Variants in C1QTNF12 observed in about 807,000 individuals in gnomAD.
The protein encoded by C1QTNF12 is adipolin.
C1QTNF12 carries 39 observed loss-of-function variants against 34.3 expected under a neutral mutation model. That is an observed-to-expected ratio of 1.14 (90% CI 0.88 to 1.49). The LOEUF (loss-of-function observed/expected upper bound fraction) is 1.49, where lower values mean the gene tolerates loss of function less well. Ranked by LOEUF, C1QTNF12 falls within the 40% of genes most tolerant of loss-of-function variation. C1QTNF12 has a pLI of 0.00. For missense variants in C1QTNF12, 497 were observed against 424.7 expected (o/e 1.17, Z -1.50); for synonymous variants, 220 against 196.9 (o/e 1.12, Z -0.98).
At chr1:1,244,727 ACTCCTCCCCCACTCCTCCCC>A (rs1638837887) in intron 1 of C1QTNF12, 1 of 393,594 alleles carries the variant, frequency 2.5e-6, no homozygotes, top group Admixed American at 4.7e-5. Context: ...TGAGCCCCTC[ACTCCTCCCCCACTCCTCCCC>A]CTCCTCCCCC....
chr1:1,244,762 C>G, intron 1 of C1QTNF12: 1 of 395,426 alleles, frequency 2.5e-6, no homozygotes, highest in Non-Finnish European at 4.5e-6. Flanking sequence ...TCCCCCCACT[C>G]CTCATCCCAC....
At position 1,244,456 on chromosome 1, in the gene C1QTNF12, C is replaced by T; in HGVS notation, c.219G>A (p.Met73Ile). The change falls in exon 2 of 8, where the codon ATG becomes ATA. Residue 73 changes from methionine to isoleucine, a missense_variant. Physicochemically the swap from Met to Ile is conservative, Grantham distance 10. Coordinates refer to ENST00000330388, the MANE Select transcript of C1QTNF12 (RefSeq NM_001014980.3). Reference protein sequence around the residue: ...ASGPEFSDAHMTWLNFVRRPD... With the variant: ...ASGPEFSDAHITWLNFVRRPD... Reference sequence around the variant, plus strand: ...GCCGCCGGACAAAGTTCAGCCATGTCATGTGGGCGTCGGAGAACTCAGGTC... The same window carrying T: ...GCCGCCGGACAAAGTTCAGCCATGTTATGTGGGCGTCGGAGAACTCAGGTC... 2 of 1,611,910 alleles carry T rather than the reference C, an allele frequency of 1.2e-6. No individual in the cohort carries two copies. Among genetic ancestry groups the T allele is most frequent in the Non-Finnish European group, 8.5e-7 (1 of 1,179,518 alleles).
rs1291805462 is a variant in C1QTNF12 at position 1,244,516 on chromosome 1, G to A, written c.178-19C>T. ...GGGATGGCTGAAGGGACGGGACGGG[G>A]CTAGCGCACTGAGGCTGCACCCTGC... On this transcript the variant is annotated intron_variant, in intron 1 of 7. Transcript: ENST00000330388. The A allele has an allele frequency of 1.3e-5, 20 of 1,562,410 alleles. No individual in the cohort carries two copies. Among genetic ancestry groups the A allele is most frequent in the Non-Finnish European group, 1.7e-5 (19 of 1,134,956 alleles).
In C1QTNF12 at chr1:1,246,643, C is replaced by A; in HGVS notation, c.48G>T (p.Gln16His). 8.1e-7 allele frequency: 1 copy of A among 1,235,526 alleles called. No homozygotes were observed. Among genetic ancestry groups the A allele is most frequent in the South Asian group, 3.8e-5 (1 of 26,544 alleles). The allele number at this position is 1,235,526 out of a possible 1,614,324, so 76.5% of individuals were successfully genotyped here. Reference protein sequence around the residue: ...WAAVVVLLGPQLVLLGGVGAR... With the variant: ...WAAVVVLLGPHLVLLGGVGAR... ...CCCCGACGCCCCCGAGGAGCACGAG[C>A]TGCGGCCCGAGGAGGACCACGACCG... Residue 16 changes from glutamine (Q) to histidine (H), a missense_variant, in exon 1 of 8, where the codon CAG becomes CAT. By Grantham distance (24) the Gln-to-His change is conservative (BLOSUM62 0). Transcript: ENST00000330388. The surrounding 1 kb of genome is among the most constrained non-coding windows in gnomAD (Gnocchi z 4.5).
At chr1:1,244,140 C>T in intron 3 of C1QTNF12, 35 bp from the exon 4 acceptor site, 1 of 1,559,510 alleles carries the variant, frequency 6.4e-7, no homozygotes, top group East Asian at 2.3e-5. Flanking sequence ...CCAGCAGGGT[C>T]AGCACAGGGC....
At chr1:1,243,423 G>A (rs1236011587) in intron 5 of C1QTNF12, 21 bp downstream of exon 5, 3 of 1,542,864 alleles carry the variant, frequency 1.9e-6, no homozygotes, top group Non-Finnish European at 2.6e-6. Context: ...ACAGCACACG[G>A]CACTGCCCCA....
chr1:1,246,947 C>A (rs998940311), upstream of C1QTNF12, among the ~76,000 whole-genome samples: 1 of 152,038 alleles, frequency 6.6e-6, no homozygotes, highest in Non-Finnish European at 1.5e-5. The surrounding 1 kb of genome is among the most constrained non-coding windows in gnomAD (Gnocchi z 4.5). Flanking sequence ...ATCCTCCCCT[C>A]GCCTCCTCCT....
intron 2 of C1QTNF12, 47 bp from the exon 3 acceptor site, chr1:1,244,322 G>A (rs1309585704): frequency 6.3e-7 from 1 of 1,591,934 alleles, no homozygotes; most frequent in Non-Finnish European, 8.6e-7. Context: ...GACCCGGTGG[G>A]AGCTACCACC....
At position 1,242,874 on chromosome 1, in the gene C1QTNF12, C is replaced by G. The variant is rs757149209; in HGVS notation, c.771G>C (p.Arg257Ser). The change falls in exon 7 of 8, where the codon AGG (arginine) becomes AGC (serine). Residue 257 changes from arginine to serine, a missense_variant. Transcript: ENST00000330388. ...GCCCCTGCACCTGTAGCGTGAAGAC[C>G]CTGCTGTTGCTCTCCAGGCCTGAGA... ...EAVSGLESNS[R>S]VFTLQVQGLL... 2.7e-5 allele frequency: 43 copies of G among 1,612,356 alleles called. No homozygotes were observed. Among genetic ancestry groups the G allele is most frequent in the Non-Finnish European group, 3.1e-5 (37 of 1,179,802 alleles).
rs1251354097 is a variant in C1QTNF12 at position 1,246,222 on chromosome 1, C to G, written c.177+292G>C. ...TAGCAACAGGTTCCTCAGAGCGCGG[C>G]AGGCCCACGCTTCAAAGGGTTAACT... On this transcript the variant is annotated intron_variant, in intron 1 of 7. Coordinates refer to ENST00000330388, the MANE Select transcript of C1QTNF12 (RefSeq NM_001014980.3). This position sits in a 1 kb window ranked among gnomAD's most constrained non-coding sequence, Gnocchi z 4.5. 6.6e-6 allele frequency among the ~76,000 whole-genome samples: 1 copy of G among 151,256 alleles called. No individual in the cohort carries two copies. Among genetic ancestry groups the G allele is most frequent in the Admixed American group, 6.6e-5 (1 of 15,190 alleles).
Position 1,244,274 on chromosome 1 carries a change from C to T in C1QTNF12, c.296G>A (p.Arg99Gln), listed in dbSNP as rs755413721. The T allele has an allele frequency of 5.0e-6, 8 of 1,591,942 alleles. No homozygotes were observed. The highest frequency in any genetic ancestry group is 3.4e-5 in the South Asian group (3 of 89,412). ...AGGTCCTGGGGGACCGAAGAGATCC[C>T]GCTGGGGGGAGAGAGAAGCAGGTGA... ...KRCGSRDKKP[R>Q]DLFGPPGPPG... The change falls in exon 3 of 8, where the codon CGG becomes CAG. Residue 99 changes from arginine (R) to glutamine (Q), a missense_variant and splice_region_variant. Transcript: ENST00000330388.
rs755101817 is a variant in C1QTNF12, at chr1:1,243,928, C to G, written c.531+26G>C. ...GCCTGTGGGGCCCCACCCAACACCCCGCTCTAAGCTCCCGGCTCCACTCAC... is the reference window on the plus strand; with the variant it reads ...GCCTGTGGGGCCCCACCCAACACCCGGCTCTAAGCTCCCGGCTCCACTCAC... On this transcript the variant is annotated intron_variant, in intron 4 of 7. Transcript: ENST00000330388. 4 of 1,594,804 alleles carry G rather than the reference C, an allele frequency of 2.5e-6. 1 individual carries two copies. Among genetic ancestry groups the G allele is most frequent in the Middle Eastern group, 3.4e-4 (2 of 5,840 alleles).
At chr1:1,243,656 G>A in intron 4 of C1QTNF12, 104 bp from the exon 5 acceptor site, 1 of 981,914 alleles carries the variant, frequency 1.0e-6, no homozygotes, top group Non-Finnish European at 1.5e-6. Context: ...ACTCGGAGCA[G>A]CTCTCCCGGG....
chr1:1,244,619 C>G lies in C1QTNF12; in HGVS notation c.178-122G>C, dbSNP rs532571967. ...GGCATCGCCGGCCAGGAGAAGGACC[C>G]ACGGCCGCCCTTGGGGGAGTCAGAA... is the stretch of plus-strand genomic sequence containing the variant. On this transcript the variant is annotated intron_variant, in intron 1 of 7. Transcript: ENST00000330388. The G allele has an allele frequency of 2.6e-5, 20 of 761,768 alleles. No homozygotes were observed. The African/African-American group carries it at 3.3e-4, about 13-fold the overall frequency. 47.2% of individuals were successfully genotyped at this position (761,768 alleles called of 1,614,324 possible).
At position 1,243,934 on chromosome 1, in the gene C1QTNF12, A is replaced by G. The variant is rs577821117; in HGVS notation, c.531+20T>C. The stretch of plus-strand genomic sequence containing the variant: ...GGGGCCCCACCCAACACCCCGCTCT[A>G]AGCTCCCGGCTCCACTCACAGCCTG... On this transcript the variant is annotated intron_variant, in intron 4 of 7. Transcript: ENST00000330388. 6.9e-6 allele frequency: 11 copies of G among 1,599,450 alleles called. No individual in the cohort carries two copies. The African/African-American group carries it at 1.5e-4, about 21-fold the overall frequency.
chr1:1,242,886 C>T lies in C1QTNF12; in HGVS notation c.759G>A (p.Glu253=), dbSNP rs77651834. Residue 253 remains glutamate, a synonymous_variant, in exon 7 of 8, where the codon GAG becomes GAA. Transcript: ENST00000330388. ...HTCLEAVSGL[E]SNSRVFTLQV... ...GTAGCGTGAAGACCCTGCTGTTGCT[C>T]TCCAGGCCTGAGACGGCCTCCAGGC... The T allele has an allele frequency of 1.8e-3, 2,908 of 1,612,454 alleles. 39 individuals carry two copies. The African/African-American group carries it at 0.034, about 19-fold the overall frequency.
chr1:1,243,034 G>A (rs748628092), intron 6 of C1QTNF12, 28 bp downstream of exon 6: 18 of 1,560,704 alleles, frequency 1.2e-5, no homozygotes, highest in African/African-American at 2.7e-5. Flanking sequence ...GGGGGCTGCC[G>A]CCTGGAGCGG....
At position 1,243,492 on chromosome 1, in the gene C1QTNF12, T is replaced by C. The variant is rs776132163; in HGVS notation, c.592A>G (p.Thr198Ala). 188 of 1,560,266 alleles carry C rather than the reference T, an allele frequency of 1.2e-4. No homozygotes were observed. The highest frequency in any genetic ancestry group is 1.0e-3 in the Middle Eastern group (6 of 6,018). ...TGGAAGATGCCGGACACGGGGGCCG[T>C]GAACCGACCCGAGGCCAGGCTCAGA... ...SGLSLASGRF[T>A]APVSGIFQFS... The change falls in exon 5 of 8, where the codon ACG becomes GCG. Residue 198 changes from threonine to alanine, a missense_variant. By Grantham distance (58) the Thr-to-Ala change is moderately conservative. Coordinates refer to ENST00000330388, the MANE Select transcript of C1QTNF12 (RefSeq NM_001014980.3).
rs1423766013 is a variant in C1QTNF12 at position 1,243,491 on chromosome 1, G to A, written c.593C>T (p.Thr198Met). The change falls in exon 5 of 8, where the codon ACG becomes ATG. Residue 198 changes from threonine (T) to methionine (M), a missense_variant. Transcript: ENST00000330388. ...SGLSLASGRF[T>M]APVSGIFQFS... ...CTGGAAGATGCCGGACACGGGGGCC[G>A]TGAACCGACCCGAGGCCAGGCTCAG... is the stretch of plus-strand genomic sequence containing the variant. The A allele has an allele frequency of 1.6e-5, 25 of 1,560,332 alleles. No individual in the cohort carries two copies. In the South Asian group the frequency reaches 1.9e-4, roughly 12 times the overall value.
Sources: gnomAD v4.1 joint callset for allele counts (sites outside exome capture counted in the v4.1 genomes callset) on GRCh38, gnomAD v4.1.1 for gene constraint, Gnocchi (gnomAD v3.1) non-coding constraint, MANE v1.5 for transcripts, NCBI Gene and HGNC (gene_info 2026-07-23, HGNC 2026-07-21) for gene names.